The following TMCC1 variants were observed in gnomAD, a reference collection of about 807,000 sequenced individuals.
TMCC1 encodes transmembrane and coiled-coil domain family 1.
Under a neutral mutation model 52.4 loss-of-function variants are expected in TMCC1, and 15 were observed. That is an observed-to-expected ratio of 0.29 (90% CI 0.19 to 0.44). TMCC1 has a LOEUF of 0.44. Ranked by LOEUF, TMCC1 falls within the 20% of genes least tolerant of loss-of-function variation. TMCC1 has a pLI of 1.00. For synonymous variants in TMCC1, 279 were observed against 301.9 expected, an observed-to-expected ratio of 0.92 and a Z score of 0.79; for missense variants, 503 against 806.0, an observed-to-expected ratio of 0.62 and a Z score of 4.55.
At chr3:129,674,899 G>A (rs1277457892) in intron 4 of TMCC1, among the ~76,000 whole-genome samples, 2 of 152,058 alleles carry the variant, frequency 1.3e-5, no homozygotes, top group Non-Finnish European at 1.5e-5. Flanking sequence ...GAAGTGCAAA[G>A]GCGCGACGTC....
intron 4 of TMCC1, among the ~76,000 whole-genome samples, chr3:129,772,212 A>G (rs1208034110): frequency 6.6e-6 from 1 of 152,126 alleles, no homozygotes; most frequent in Non-Finnish European, 1.5e-5. Context: ...AACAAAGTTA[A>G]CTGAGCATGG....
At chr3:129,726,561 G>C (rs1457303284) in intron 4 of TMCC1, among the ~76,000 whole-genome samples, 1 of 151,766 alleles carries the variant, frequency 6.6e-6, no homozygotes, top group African/African-American at 2.4e-5. Flanking sequence ...CTCTCCATTA[G>C]AGATTCTAAT....
chr3:129,807,707 A>G (rs1436900928), intron 4 of TMCC1, among the ~76,000 whole-genome samples: 1 of 152,250 alleles, frequency 6.6e-6, no homozygotes, highest in Non-Finnish European at 1.5e-5. Context: ...ACAAGAATAC[A>G]TGGGCAATTT....
In TMCC1 at chr3:129,870,940, C is replaced by T. The variant is rs374292403; in HGVS notation, c.-184+9369G>A. 5.3e-5 allele frequency among the ~76,000 whole-genome samples: 8 copies of T among 152,108 alleles called. No individual in the cohort carries two copies. The East Asian group carries it at 1.4e-3, about 26-fold the overall frequency. Reference sequence around the variant, plus strand: ...GACTATTACTTCTTTTAATCTAGCACTGTACCTCTGTAAGTGTTCACCAAT... The same window carrying T: ...GACTATTACTTCTTTTAATCTAGCATTGTACCTCTGTAAGTGTTCACCAAT... On this transcript the variant is annotated intron_variant, in intron 2 of 6. Coordinates refer to ENST00000393238, the MANE Select transcript of TMCC1 (RefSeq NM_001017395.5).
At position 129,868,215 on chromosome 3, in the gene TMCC1, A is replaced by G. The variant is rs1481431841; in HGVS notation, c.-184+12094T>C. ...TCCTTTTCTGGCTATGAAAATTCGCATACTATTGTTTACCAATAAAGAGAT... is the reference window on the plus strand; with the variant it reads ...TCCTTTTCTGGCTATGAAAATTCGCGTACTATTGTTTACCAATAAAGAGAT... On this transcript the variant is annotated intron_variant, in intron 2 of 6. Coordinates refer to ENST00000393238, the MANE Select transcript of TMCC1 (RefSeq NM_001017395.5). 2.6e-5 allele frequency among the ~76,000 whole-genome samples: 4 copies of G among 152,188 alleles called. No individual in the cohort carries two copies. The East Asian group carries it at 7.7e-4, about 29-fold the overall frequency.
chr3:129,758,952 T>C (rs974723107), intron 4 of TMCC1, among the ~76,000 whole-genome samples: 4 of 152,232 alleles, frequency 2.6e-5, no homozygotes, highest in African/African-American at 9.6e-5. Context: ...GTCTTCAAGG[T>C]CCATCTATAT....
chr3:129,671,147 C>T lies in TMCC1; in HGVS notation c.694G>A (p.Ala232Thr), dbSNP rs1283401635. 1 of 1,614,156 alleles carries T rather than the reference C, an allele frequency of 6.2e-7. No homozygotes were observed. The highest frequency in any genetic ancestry group is 2.2e-5 in the East Asian group (1 of 44,882). Reference protein sequence around the residue: ...DGTPDPQRTKAAIAHLQQKIL... With the variant: ...DGTPDPQRTKTAIAHLQQKIL... ...TTCTGCTGCAGGTGAGCAATGGCAG[C>T]CTTTGTGCGCTGAGGGTCTGGTGTT... Residue 232 changes from alanine (A) to threonine (T), a missense_variant, in exon 5 of 7, where the codon GCT (alanine) becomes ACT (threonine). Ala to Thr is a moderately conservative substitution (Grantham distance 58). Transcript: ENST00000393238.
At chr3:129,728,579 C>T (rs60772486) in intron 4 of TMCC1, among the ~76,000 whole-genome samples, 2,362 of 152,224 alleles carry the variant, frequency 0.016, 47 homozygotes, top group African/African-American at 0.055. Flanking sequence ...CCACCGTGCC[C>T]AGCAAGCTAC....
intron 4 of TMCC1, among the ~76,000 whole-genome samples, chr3:129,674,656 G>A (rs1560162777): frequency 6.6e-6 from 1 of 152,128 alleles, no homozygotes; most frequent in Non-Finnish European, 1.5e-5. Flanking sequence ...GGACAGGGGA[G>A]GAAAACAGTC....
intron 4 of TMCC1, among the ~76,000 whole-genome samples, chr3:129,746,230 G>C (rs759239806): frequency 6.6e-6 from 1 of 151,962 alleles, no homozygotes; most frequent in Non-Finnish European, 1.5e-5. Flanking sequence ...GAGTGCAGTG[G>C]CGTGATCTCA....
chr3:129,756,486 C>G (rs1021990104), intron 4 of TMCC1, among the ~76,000 whole-genome samples: 4 of 152,100 alleles, frequency 2.6e-5, no homozygotes, highest in African/African-American at 9.7e-5. Context: ...GCAACCTTCG[C>G]CTCCCAGGTT....
intron 4 of TMCC1, among the ~76,000 whole-genome samples, chr3:129,732,423 C>A (rs2050614609): frequency 6.6e-6 from 1 of 152,066 alleles, no homozygotes; most frequent in African/African-American, 2.4e-5. Context: ...ATGGTCTAAC[C>A]CCTACTTCAT....
chr3:129,660,592 C>A (rs1230411936), intron 5 of TMCC1, among the ~76,000 whole-genome samples: 1 of 152,204 alleles, frequency 6.6e-6, no homozygotes, highest in Non-Finnish European at 1.5e-5. Flanking sequence ...CTCCTCAATC[C>A]TAGATACAAG....
At chr3:129,788,208 C>T (rs867749792) in intron 4 of TMCC1, among the ~76,000 whole-genome samples, 52 of 152,312 alleles carry the variant, frequency 3.4e-4, no homozygotes, top group Admixed American at 2.2e-3. Context: ...AACTAGCACA[C>T]TTCCAAGGAC....
At chr3:129,832,885 T>C (rs1213314974) in intron 2 of TMCC1, 59 bp from the exon 3 acceptor site, 1 of 152,200 alleles carries the variant, frequency 6.6e-6, no homozygotes, top group Non-Finnish European at 1.5e-5. Flanking sequence ...AACTTACCTT[T>C]TACAGATATG....
intron 4 of TMCC1, among the ~76,000 whole-genome samples, chr3:129,757,177 T>G (rs1444504531): frequency 1.3e-5 from 2 of 152,146 alleles, no homozygotes; most frequent in Admixed American, 6.5e-5. Flanking sequence ...CTGTTTTCTT[T>G]AACTTAGCCA....
intron 4 of TMCC1, among the ~76,000 whole-genome samples, chr3:129,761,944 T>A (rs1411754417): frequency 7.1e-6 from 1 of 141,146 alleles, no homozygotes; most frequent in African/African-American, 2.7e-5. Flanking sequence ...TAAGCCGAGA[T>A]CGTGCCATTG....
chr3:129,876,286 CAAAA>C (rs61167884), intron 2 of TMCC1, among the ~76,000 whole-genome samples: 5 of 90,978 alleles, frequency 5.5e-5, no homozygotes, highest in African/African-American at 5.6e-5. Flanking sequence ...ATGCCTGGCT[CAAAA>C]AAAAAAAAAA....
intron 4 of TMCC1, among the ~76,000 whole-genome samples, chr3:129,748,319 G>A (rs1417273882): frequency 6.6e-6 from 1 of 152,178 alleles, no homozygotes; most frequent in African/African-American, 2.4e-5. Flanking sequence ...TTGAGAGGGA[G>A]TCTCGCTCTG....
Sources: gnomAD v4.1 joint callset for allele counts (sites outside exome capture counted in the v4.1 genomes callset) on GRCh38, gnomAD v4.1.1 for gene constraint, MANE v1.5 for transcripts, NCBI Gene and HGNC (gene_info 2026-07-23, HGNC 2026-07-21) for gene names.